The following SNX31 variants were observed in gnomAD, a reference collection of about 807,000 sequenced individuals.
The protein encoded by SNX31 is sorting nexin-31.
Under a neutral mutation model 65.4 loss-of-function variants are expected in SNX31, and 58 were observed. The observed-to-expected ratio is 0.89, with a 90% confidence interval of 0.72 to 1.10. SNX31 has a LOEUF of 1.10. Among genes scored for constraint, SNX31 ranks in the 50% least tolerant of loss-of-function variants. The pLI is 0.00. For missense variants in SNX31, 523 were observed against 529.7 expected (o/e 0.99, Z 0.12); for synonymous variants, 181 against 190.1 (o/e 0.95, Z 0.39).
chr8:100,581,074 T>A (rs1434628260), intron 12 of SNX31, among the ~76,000 whole-genome samples: 1 of 148,216 alleles, frequency 6.7e-6, no homozygotes, highest in Non-Finnish European at 1.5e-5. Flanking sequence ...GGTGGGAGGA[T>A]CGCTTGAGTT....
chr8:100,629,340 T>C lies in SNX31; in HGVS notation c.321+987A>G, dbSNP rs986074324. On this transcript the variant is annotated intron_variant, in intron 4 of 13. Transcript: ENST00000311812. This position sits in a 1 kb window ranked among gnomAD's most constrained non-coding sequence, Gnocchi z 5.1. ...ACGCTTGGCTATTTGAATTTTACTA[T>C]CATCACCACTTCCACAGCAAACTTT... 3.3e-5 allele frequency among the ~76,000 whole-genome samples: 5 copies of C among 152,174 alleles called. No individual in the cohort carries two copies. The highest frequency in any genetic ancestry group is 1.2e-4 in the African/African-American group (5 of 41,444).
intron 10 of SNX31, among the ~76,000 whole-genome samples, chr8:100,595,645 A>G (rs1048595478): frequency 2.0e-5 from 3 of 152,192 alleles, no homozygotes; most frequent in South Asian, 2.1e-4. Flanking sequence ...TGGTTTGGCA[A>G]TTAGGGTGTG....
chr8:100,630,187 C>A lies in SNX31; in HGVS notation c.321+140G>T. 1 of 694,650 alleles carries A rather than the reference C, an allele frequency of 1.4e-6. No homozygotes were observed. Among genetic ancestry groups the A allele is most frequent in the Non-Finnish European group, 2.4e-6 (1 of 423,656 alleles). The allele number at this position is 694,650 out of a possible 1,614,324, so 43.0% of individuals were successfully genotyped here. ...AAAATAGGAACCATCCCCCAATTGA[C>A]TTGAAATGAATATATTTTGTCCAAG... is the stretch of plus-strand genomic sequence containing the variant. On this transcript the variant is annotated intron_variant, in intron 4 of 13. Coordinates refer to ENST00000311812, the MANE Select transcript of SNX31 (RefSeq NM_152628.4). The surrounding 1 kb of genome is among the most constrained non-coding windows in gnomAD (Gnocchi z 5.3).
Position 100,612,653 on chromosome 8 carries a change from G to T in SNX31, c.523+342C>A, listed in dbSNP as rs1816814594. ...CAAGGAGAAATGATGCTGTGGTGGG[G>T]CGTCCTGACCCCTGGAGTCTAGCAC... is the stretch of plus-strand genomic sequence containing the variant. On this transcript the variant is annotated intron_variant, in intron 6 of 13. Transcript: ENST00000311812. The surrounding 1 kb of genome is among the most constrained non-coding windows in gnomAD (Gnocchi z 4.3). Among the ~76,000 whole-genome samples the T allele has an allele frequency of 1.3e-5, 2 of 152,136 alleles. No individual in the cohort carries two copies. Among genetic ancestry groups the T allele is most frequent in the South Asian group, 2.1e-4 (1 of 4,826 alleles).
At position 100,633,220 on chromosome 8, in the gene SNX31, T is replaced by C. The variant is rs574516884; in HGVS notation, c.256+2677A>G. On this transcript the variant is annotated intron_variant, in intron 3 of 13. Transcript: ENST00000311812. ...CTGGAATTGCAGGCATGAGCTACCATGCCGAGCCTAATTGTTGGTGAAGTT... is the reference window on the plus strand; with the variant it reads ...CTGGAATTGCAGGCATGAGCTACCACGCCGAGCCTAATTGTTGGTGAAGTT... 1.5e-4 allele frequency among the ~76,000 whole-genome samples: 23 copies of C among 152,090 alleles called. No individual in the cohort carries two copies. In the South Asian group the frequency reaches 4.2e-3, roughly 27 times the overall value.
chr8:100,590,141 T>G (rs1313990467), intron 10 of SNX31, among the ~76,000 whole-genome samples: 1 of 152,258 alleles, frequency 6.6e-6, no homozygotes, highest in African/African-American at 2.4e-5. Context: ...TGGTTTCTAT[T>G]GCTTGCCAAC....
upstream of SNX31, among the ~76,000 whole-genome samples, chr8:100,651,771 G>A (rs879253574): frequency 1.3e-5 from 2 of 152,210 alleles, no homozygotes; most frequent in Non-Finnish European, 2.9e-5. Context: ...CCTGAAGTAG[G>A]TACTGATATT....
rs116881301 is a variant in SNX31, at chr8:100,606,777, C to G, written c.681+1717G>C. 3.2e-3 allele frequency among the ~76,000 whole-genome samples: 481 copies of G among 152,302 alleles called. 2 individuals are homozygous for G. Among genetic ancestry groups the G allele is most frequent in the Non-Finnish European group, 5.2e-3 (351 of 68,030 alleles). ...TCTTTAGCTACATCCTCTATTAATC[C>G]AAACCCACTACTCAATCTTTTGGCA... On this transcript the variant is annotated intron_variant, in intron 8 of 13. Coordinates refer to ENST00000311812, the MANE Select transcript of SNX31 (RefSeq NM_152628.4).
chr8:100,592,796 T>A (rs2130877038), intron 10 of SNX31, among the ~76,000 whole-genome samples: 1 of 152,202 alleles, frequency 6.6e-6, no homozygotes, highest in South Asian at 2.1e-4. Context: ...CCATAAAAAA[T>A]AATAAAGTAC....
rs1816858195 is a variant in SNX31, at chr8:100,613,092, C to G, written c.433-7G>C. On this transcript the variant is annotated splice_region_variant and splice_polypyrimidine_tract_variant and intron_variant, in intron 5 of 13. Transcript: ENST00000311812. This position sits in a 1 kb window ranked among gnomAD's most constrained non-coding sequence, Gnocchi z 5.2. Reference sequence around the variant, plus strand: ...CAATTTTGTGTGACACCACCTTTAACCAGAAACAAGCAGAAAGGGAAAAAG... The same window carrying G: ...CAATTTTGTGTGACACCACCTTTAAGCAGAAACAAGCAGAAAGGGAAAAAG... 6.2e-7 allele frequency: 1 copy of G among 1,612,988 alleles called. No homozygotes were observed. The highest frequency in any genetic ancestry group is 1.7e-5 in the Admixed American group (1 of 59,990).
rs1332573702 is a variant in SNX31, at chr8:100,613,055, C to T, written c.463G>A (p.Glu155Lys). The change falls in exon 6 of 14, where the codon GAG becomes AAG. Residue 155 changes from glutamate (E) to lysine (K), a missense_variant. Transcript: ENST00000311812. This position sits in a 1 kb window ranked among gnomAD's most constrained non-coding sequence, Gnocchi z 5.2. ...AAGAGGCCGAAGTAGCCCAAGAGCT[C>T]TCGACACAGTCCAATTTTGTGTGAC... ...VVSHKIGLCR[E>K]LLGYFGLFLI... 4.3e-6 allele frequency: 7 copies of T among 1,613,916 alleles called. No homozygotes were observed. Among genetic ancestry groups the T allele is most frequent in the African/African-American group, 1.3e-5 (1 of 74,896 alleles).
At chr8:100,653,911 C>A (rs752126962), upstream of SNX31, among the ~76,000 whole-genome samples, 3 of 152,226 alleles carry the variant, frequency 2.0e-5, no homozygotes, top group African/African-American at 4.8e-5. Context: ...ACTGGCTAAC[C>A]CTATGCAGCA....
intron 3 of SNX31, among the ~76,000 whole-genome samples, chr8:100,632,888 C>T (rs1211690097): frequency 2.0e-5 from 3 of 151,572 alleles, no homozygotes; most frequent in Admixed American, 2.0e-4. Flanking sequence ...TGAGCCACCA[C>T]GCCCAGCCTA....
At position 100,576,530 on chromosome 8, in the gene SNX31, A is replaced by G. The variant is rs1396001980; in HGVS notation, c.1227+489T>C. On this transcript the variant is annotated intron_variant, in intron 13 of 13. Coordinates refer to ENST00000311812, the MANE Select transcript of SNX31 (RefSeq NM_152628.4). The surrounding 1 kb of genome is among the most constrained non-coding windows in gnomAD (Gnocchi z 4.8). Reference sequence around the variant, plus strand: ...GCTGTGAAGGAATGTGTTAATTCACATAAAAGTGCTTAGAATACTGCCTGG... The same window carrying G: ...GCTGTGAAGGAATGTGTTAATTCACGTAAAAGTGCTTAGAATACTGCCTGG... 6.6e-6 allele frequency among the ~76,000 whole-genome samples: 1 copy of G among 152,224 alleles called. No individual in the cohort carries two copies. Among genetic ancestry groups the G allele is most frequent in the Non-Finnish European group, 1.5e-5 (1 of 68,036 alleles).
At chr8:100,631,332 C>T (rs956464821) in intron 3 of SNX31, among the ~76,000 whole-genome samples, 1 of 152,128 alleles carries the variant, frequency 6.6e-6, no homozygotes, top group Non-Finnish European at 1.5e-5. Flanking sequence ...TGGTTTACCC[C>T]CACTTGCCAC....
Position 100,609,712 on chromosome 8 carries a change from G to A in SNX31, c.612-1149C>T, listed in dbSNP as rs1816532533. Among the ~76,000 whole-genome samples, 1 of 152,132 alleles carries A rather than the reference G, an allele frequency of 6.6e-6. No individual in the cohort carries two copies. Among genetic ancestry groups the A allele is most frequent in the Admixed American group, 6.5e-5 (1 of 15,278 alleles). ...GAAAGGGATAAATATGGTGCTTGAA[G>A]GTCAACTTCATTCTGGGGTGGGGAG... On this transcript the variant is annotated intron_variant, in intron 7 of 13. Transcript: ENST00000311812. This position sits in a 1 kb window ranked among gnomAD's most constrained non-coding sequence, Gnocchi z 4.9.
intron 10 of SNX31, among the ~76,000 whole-genome samples, chr8:100,590,517 G>T (rs1814475233): frequency 6.6e-6 from 1 of 152,202 alleles, no homozygotes; most frequent in Admixed American, 6.5e-5. Context: ...AGTGGTTCAT[G>T]CCTGTAATCC....
rs1295507353 is a variant in SNX31, at chr8:100,573,563, T to C, written c.*302A>G. 2 of 211,474 alleles carry C rather than the reference T, an allele frequency of 9.5e-6. No individual in the cohort carries two copies. Among genetic ancestry groups the C allele is most frequent in the African/African-American group, 4.6e-5 (2 of 43,836 alleles). 13.1% of individuals were successfully genotyped at this position (211,474 alleles called of 1,614,324 possible). On this transcript the variant is annotated 3_prime_UTR_variant, in exon 14 of 14. Transcript: ENST00000311812. Reference sequence around the variant, plus strand: ...AAAATAGAATGAGTTTTATATGAGTTGATTTGAATTTGCCACTTGTCATTT... The same window carrying C: ...AAAATAGAATGAGTTTTATATGAGTCGATTTGAATTTGCCACTTGTCATTT...
At chr8:100,636,159 A>T (rs922742080) in intron 2 of SNX31, 148 bp from the exon 3 acceptor site, 1 of 589,664 alleles carries the variant, frequency 1.7e-6, no homozygotes, top group African/African-American at 1.9e-5. Context: ...AAAAGAGGAC[A>T]ATCTGATTTT....
Sources: allele counts gnomAD v4.1 joint callset (sites outside exome capture counted in the v4.1 genomes callset), GRCh38; gene constraint gnomAD v4.1.1; non-coding constraint Gnocchi (gnomAD v3.1); transcripts MANE v1.5; gene names NCBI Gene and HGNC (gene_info 2026-07-23, HGNC 2026-07-21).